SPOCK1: variants seen among roughly 807,000 people sequenced by gnomAD.
SPOCK1 encodes testican-1.
Under a neutral mutation model 55.3 loss-of-function variants are expected in SPOCK1, and 23 were observed. That is an observed-to-expected ratio of 0.42 (90% CI 0.30 to 0.59). The LOEUF is 0.59. Among genes scored for constraint, SPOCK1 ranks in the 20% least tolerant of loss-of-function variants. The pLI, the probability that SPOCK1 is intolerant of heterozygous loss-of-function variation, is 0.22. For missense variants in SPOCK1, 499 were observed against 552.5 expected, an observed-to-expected ratio of 0.90 and a Z score of 0.97; for synonymous variants, 226 against 221.0, an observed-to-expected ratio of 1.02 and a Z score of -0.20.
intron 3 of SPOCK1, among the ~76,000 whole-genome samples, chr5:137,217,815 C>T (rs1036650189): frequency 3.9e-5 from 6 of 152,222 alleles, no homozygotes; most frequent in Middle Eastern, 3.4e-3. Flanking sequence ...ATTACAGCTC[C>T]GAGAAGCTAA....
chr5:137,229,964 G>A (rs1483388274), intron 3 of SPOCK1, among the ~76,000 whole-genome samples: 2 of 152,130 alleles, frequency 1.3e-5, no homozygotes, highest in Admixed American at 6.5e-5. Context: ...CATGGGTAGG[G>A]GACCCCTGCT....
At chr5:137,065,490 A>T (rs1412632768) in intron 6 of SPOCK1, among the ~76,000 whole-genome samples, 2 of 152,112 alleles carry the variant, frequency 1.3e-5, no homozygotes, top group African/African-American at 4.8e-5. Flanking sequence ...CAATTAACAG[A>T]CTCATTGGTG....
intron 2 of SPOCK1, 85 bp downstream of exon 2, chr5:137,498,266 CCACACACACACACACACACACA>C (rs544933594): frequency 5.0e-6 from 4 of 796,374 alleles, no homozygotes; most frequent in African/African-American, 3.9e-5. Flanking sequence ...CCCCTCCCAA[CCACACACACACACACACACACA>C]CACACACACA....
At chr5:137,058,185 G>A (rs1752335089) in intron 6 of SPOCK1, among the ~76,000 whole-genome samples, 1 of 152,170 alleles carries the variant, frequency 6.6e-6, no homozygotes, top group African/African-American at 2.4e-5. Flanking sequence ...AAGGAAGCCC[G>A]ACCTTTCAGT....
At chr5:137,181,921 C>T (rs1008352491) in intron 3 of SPOCK1, among the ~76,000 whole-genome samples, 13 of 152,214 alleles carry the variant, frequency 8.5e-5, no homozygotes, top group African/African-American at 3.1e-4. Flanking sequence ...AGTTGACATG[C>T]TCCCAGTGGT....
At chr5:137,025,376 A>G (rs1274054936) in intron 6 of SPOCK1, among the ~76,000 whole-genome samples, 1 of 152,174 alleles carries the variant, frequency 6.6e-6, no homozygotes, top group Non-Finnish European at 1.5e-5. Context: ...ACAGCAAGCC[A>G]GCAACAGTGG....
chr5:137,381,347 A>T (rs1314632523), intron 2 of SPOCK1, among the ~76,000 whole-genome samples: 1 of 152,146 alleles, frequency 6.6e-6, no homozygotes, highest in African/African-American at 2.4e-5. Context: ...GGTAGACGGT[A>T]GCCCTCTTTT....
intron 5 of SPOCK1, among the ~76,000 whole-genome samples, chr5:137,073,178 G>A (rs561891419): frequency 3.8e-4 from 58 of 152,328 alleles, no homozygotes; most frequent in Middle Eastern, 3.4e-3. Context: ...TCTACTATGG[G>A]CCAGACCCTG....
At chr5:137,173,903 A>T (rs1754803589) in intron 3 of SPOCK1, among the ~76,000 whole-genome samples, 1 of 152,208 alleles carries the variant, frequency 6.6e-6, no homozygotes, top group Admixed American at 6.5e-5. Flanking sequence ...TTATCATTTA[A>T]TCCTTGCAAC....
chr5:137,433,335 C>A (rs1482924096), intron 2 of SPOCK1, among the ~76,000 whole-genome samples: 5 of 21,390 alleles, frequency 2.3e-4, no homozygotes, highest in Non-Finnish European at 2.1e-3. Flanking sequence ...ACAGAAAAGA[C>A]AATAGCCAGT....
chr5:137,444,290 C>T (rs765435106), intron 2 of SPOCK1, among the ~76,000 whole-genome samples: 1 of 152,210 alleles, frequency 6.6e-6, no homozygotes, highest in Non-Finnish European at 1.5e-5. Flanking sequence ...CCTGTGATGT[C>T]TTTCTGCTCC....
At chr5:137,483,858 G>A (rs1393098536) in intron 2 of SPOCK1, among the ~76,000 whole-genome samples, 1 of 152,208 alleles carries the variant, frequency 6.6e-6, no homozygotes, top group African/African-American at 2.4e-5. Flanking sequence ...AGCTGACACA[G>A]ACCAAGAGAA....
At chr5:137,417,790 G>A (rs542426258) in intron 2 of SPOCK1, among the ~76,000 whole-genome samples, 27 of 151,704 alleles carry the variant, frequency 1.8e-4, no homozygotes, top group Non-Finnish European at 4.4e-5. Flanking sequence ...ATCTTTATTA[G>A]TCAGTTTTTA....
intron 2 of SPOCK1, among the ~76,000 whole-genome samples, chr5:137,287,524 T>C (rs1206830972): frequency 6.6e-6 from 1 of 152,164 alleles, no homozygotes; most frequent in Non-Finnish European, 1.5e-5. Flanking sequence ...AGGGCAAAAA[T>C]TTAGTGAAAT....
chr5:137,482,010 T>C (rs1242302111), intron 2 of SPOCK1, among the ~76,000 whole-genome samples: 1 of 151,956 alleles, frequency 6.6e-6, no homozygotes, highest in South Asian at 2.1e-4. Flanking sequence ...CTCCTACCCA[T>C]GCCTAAGACA....
chr5:137,036,139 T>C (rs1376607246), intron 6 of SPOCK1, among the ~76,000 whole-genome samples: 6 of 152,170 alleles, frequency 3.9e-5, no homozygotes, highest in Non-Finnish European at 8.8e-5. Context: ...TAAAGGGTAG[T>C]GCATCTGTTT....
At chr5:137,486,763 C>T (rs1754066148) in intron 2 of SPOCK1, among the ~76,000 whole-genome samples, 1 of 152,230 alleles carries the variant, frequency 6.6e-6, no homozygotes, top group East Asian at 1.9e-4. Context: ...AAAAATCTCA[C>T]AATTTCTCTA....
chr5:137,069,918 G>A (rs1286449685), intron 5 of SPOCK1, among the ~76,000 whole-genome samples: 3 of 152,144 alleles, frequency 2.0e-5, no homozygotes, highest in African/African-American at 4.8e-5. Flanking sequence ...TTGTATCTGT[G>A]ATAGACTGTG....
intron 3 of SPOCK1, among the ~76,000 whole-genome samples, chr5:137,152,100 T>C (rs1754327904): frequency 6.6e-6 from 1 of 152,208 alleles, no homozygotes. Context: ...TTGGGGCATC[T>C]ACTATTAGAA....
Sources: allele counts gnomAD v4.1 joint callset (sites outside exome capture counted in the v4.1 genomes callset), GRCh38; gene constraint gnomAD v4.1.1; transcripts MANE v1.5; gene names NCBI Gene and HGNC (gene_info 2026-07-23, HGNC 2026-07-21).